The following GSAP variants were observed in gnomAD, a reference collection of about 807,000 sequenced individuals.
The protein encoded by GSAP is gamma-secretase-activating protein.
Under a neutral mutation model 131.7 loss-of-function variants are expected in GSAP, and 118 were observed. The ratio of observed to expected loss-of-function variants is 0.90; its 90% CI spans 0.77 to 1.04. The LOEUF (loss-of-function observed/expected upper bound fraction) is 1.04, where lower values mean the gene tolerates loss of function less well. GSAP is among the 50% of genes least tolerant of loss of function. The pLI is 0.00. For synonymous variants in GSAP, 381 were observed against 363.4 expected (o/e 1.05, Z -0.55); for missense variants, 1,019 against 1,013.2 (o/e 1.01, Z -0.08).
At chr7:77,413,375 G>C (rs945617394) in intron 1 of GSAP, among the ~76,000 whole-genome samples, 1 of 152,186 alleles carries the variant, frequency 6.6e-6, no homozygotes, top group African/African-American at 2.4e-5. Flanking sequence ...CAGCCCTCTT[G>C]GCAGGCAATC....
At position 77,388,864 on chromosome 7, in the gene GSAP, G is replaced by C. The variant is rs567521363; in HGVS notation, c.368-1416C>G. 2.0e-5 allele frequency among the ~76,000 whole-genome samples: 3 copies of C among 152,272 alleles called. No individual in the cohort carries two copies. The South Asian group carries it at 6.2e-4, about 32-fold the overall frequency. On this transcript the variant is annotated intron_variant, in intron 5 of 30. Coordinates refer to ENST00000257626, the MANE Select transcript of GSAP (RefSeq NM_017439.4). The stretch of plus-strand genomic sequence containing the variant: ...TGCCTTTTAAATATTACTTGAAAAA[G>C]ACAGTAAGTGAGTTATTATATTGAA...
chr7:77,411,359 A>C (rs1803252055), intron 1 of GSAP, among the ~76,000 whole-genome samples: 1 of 152,250 alleles, frequency 6.6e-6, no homozygotes, highest in African/African-American at 2.4e-5. Flanking sequence ...TTTAAATGTT[A>C]GAAAACTTAC....
intron 3 of GSAP, among the ~76,000 whole-genome samples, chr7:77,400,039 T>C (rs1055240996): frequency 6.6e-6 from 1 of 152,102 alleles, no homozygotes; most frequent in African/African-American, 2.4e-5. Flanking sequence ...ACTTTCTTAC[T>C]ATAACCACCC....
rs916836131 is a variant in GSAP, at chr7:77,351,820, A to G, written c.1491+1124T>C. 5.3e-6 allele frequency: 3 copies of G among 567,706 alleles called. No individual in the cohort carries two copies. In the South Asian group the frequency reaches 2.3e-4, roughly 44 times the overall value. 35.2% of individuals were successfully genotyped at this position (567,706 alleles called of 1,614,324 possible). On this transcript the variant is annotated intron_variant, in intron 18 of 30. Transcript: ENST00000257626. ...CCCAGCTGCCTCCTGGACACTTTGA[A>G]CACAGGACATAACAGCAGGGGGTTG...
At chr7:77,372,754 T>C (rs1173462118) in intron 12 of GSAP, among the ~76,000 whole-genome samples, 1 of 152,226 alleles carries the variant, frequency 6.6e-6, no homozygotes, top group African/African-American at 2.4e-5. Context: ...AAAATACCCT[T>C]CAATGACTTC....
intron 12 of GSAP, among the ~76,000 whole-genome samples, chr7:77,367,325 A>G (rs1795473761): frequency 1.3e-5 from 2 of 152,332 alleles, no homozygotes; most frequent in South Asian, 4.1e-4. Flanking sequence ...TTGCCCATTC[A>G]GTATGATGTT....
chr7:77,406,404 T>A (rs575792973), intron 1 of GSAP, among the ~76,000 whole-genome samples: 2 of 152,310 alleles, frequency 1.3e-5, no homozygotes, highest in African/African-American at 4.8e-5. Flanking sequence ...ATACACTCTT[T>A]TCTGTGTGAA....
chr7:77,411,495 T>C (rs1037953349), intron 1 of GSAP, among the ~76,000 whole-genome samples: 13 of 152,260 alleles, frequency 8.5e-5, no homozygotes, highest in African/African-American at 3.1e-4. Context: ...TTACAACATG[T>C]CATGTTTTTA....
intron 13 of GSAP, among the ~76,000 whole-genome samples, chr7:77,361,952 G>C (rs1794583208): frequency 6.6e-6 from 1 of 152,172 alleles, no homozygotes. Context: ...AACTCTGTAA[G>C]TTAAATCTAT....
rs185471713 is a variant in GSAP at position 77,406,695 on chromosome 7, A to G, written c.110-590T>C. Among the ~76,000 whole-genome samples the G allele has an allele frequency of 7.9e-5, 12 of 152,352 alleles. No individual in the cohort carries two copies. In the East Asian group the frequency reaches 2.3e-3, roughly 29 times the overall value. On this transcript the variant is annotated intron_variant, in intron 1 of 30. Transcript: ENST00000257626. ...AATGTCCCTGGTCTATTTTCTCCCC[A>G]TGGAATGGTGCCATTAGCCAAGGGT...
intron 6 of GSAP, among the ~76,000 whole-genome samples, chr7:77,386,209 T>C (rs1307832599): frequency 1.3e-5 from 2 of 152,178 alleles, no homozygotes; most frequent in African/African-American, 2.4e-5. Flanking sequence ...ATTGACATTT[T>C]TAAAAGAAGA....
chr7:77,400,838 T>C (rs1456611311), intron 3 of GSAP, among the ~76,000 whole-genome samples: 1 of 151,786 alleles, frequency 6.6e-6, no homozygotes, highest in African/African-American at 2.4e-5. Context: ...CAATAAGTAA[T>C]TACAAGCATG....
intron 26 of GSAP, among the ~76,000 whole-genome samples, chr7:77,317,267 C>T (rs538288181): frequency 6.6e-6 from 1 of 151,780 alleles, no homozygotes; most frequent in South Asian, 2.1e-4. Context: ...AGCAAACTAT[C>T]CCAAGGACAG....
At chr7:77,366,814 G>C (rs1452315392) in intron 12 of GSAP, among the ~76,000 whole-genome samples, 5 of 152,116 alleles carry the variant, frequency 3.3e-5, no homozygotes, top group African/African-American at 1.2e-4. Context: ...CACTGCTTTG[G>C]GCAGTATGGT....
chr7:77,403,420 G>T (rs556242796), intron 3 of GSAP, among the ~76,000 whole-genome samples: 6 of 152,322 alleles, frequency 3.9e-5, no homozygotes, highest in African/African-American at 1.2e-4. Flanking sequence ...TAAAAAATTT[G>T]TAATGGATAA....
intron 27 of GSAP, 131 bp downstream of exon 27, chr7:77,314,239 A>C: frequency 1.2e-6 from 1 of 854,338 alleles, no homozygotes; most frequent in South Asian, 1.6e-5. Context: ...GTAATGCAGC[A>C]TTAAACTGAG....
intron 17 of GSAP, among the ~76,000 whole-genome samples, chr7:77,353,357 T>C (rs149456363): frequency 1.3e-5 from 2 of 152,000 alleles, no homozygotes; most frequent in South Asian, 2.1e-4. Flanking sequence ...TCCTATCTTG[T>C]ATCTCATCAA....
rs762042907 is a variant in GSAP at position 77,381,328 on chromosome 7, C to T, written c.553G>A (p.Ala185Thr). The change falls in exon 8 of 31, where the codon GCC (alanine) becomes ACC (threonine). Residue 185 changes from alanine to threonine, a missense_variant. Transcript: ENST00000257626. The stretch of plus-strand genomic sequence containing the variant: ...ACCACTCTATTTCCATCTTCTTGGG[C>T]GACATGGATACGAAATTGTTCAATA... Reference protein sequence around the residue: ...KYIEQFRIHVAQEDGNRVVIK... With the variant: ...KYIEQFRIHVTQEDGNRVVIK... 26 of 1,556,898 alleles carry T rather than the reference C, an allele frequency of 1.7e-5. No individual in the cohort carries two copies. The highest frequency in any genetic ancestry group is 1.7e-4 in the Middle Eastern group (1 of 5,882).
intron 22 of GSAP, chr7:77,327,540 C>G (rs1788501990): frequency 6.6e-6 from 1 of 152,242 alleles, no homozygotes; most frequent in African/African-American, 2.4e-5. Context: ...GTGTGCACAG[C>G]TGGAGGAGGT....
Sources: gnomAD v4.1 joint callset for allele counts (sites outside exome capture counted in the v4.1 genomes callset) on GRCh38, gnomAD v4.1.1 for gene constraint, MANE v1.5 for transcripts, NCBI Gene and HGNC (gene_info 2026-07-23, HGNC 2026-07-21) for gene names.